The following AKAP19 variants were observed in gnomAD, a reference collection of about 807,000 sequenced individuals.
The protein encoded by AKAP19 is A-kinase anchoring protein 19, also known as small A-kinase anchoring protein.
chr2:189,973,587 G>A, the AKAP19 span, among the ~76,000 whole-genome samples: 2 of 152,126 alleles, frequency 1.3e-5, no homozygotes, highest in Admixed American at 6.6e-5. Context: ...ACCTCTGGTA[G>A]AATTTGGCTG....
chr2:189,936,808 T>C, the AKAP19 span, among the ~76,000 whole-genome samples: 1 of 152,290 alleles, frequency 6.6e-6, no homozygotes, highest in East Asian at 1.9e-4. Flanking sequence ...TACTATGTGA[T>C]TCCATTTATA....
At chr2:190,037,517 A>ATTT in the AKAP19 span, among the ~76,000 whole-genome samples, 1 of 152,236 alleles carries the variant, frequency 6.6e-6, no homozygotes, top group Non-Finnish European at 1.5e-5. Flanking sequence ...TCCTAAATAC[A>ATTT]ATGGTCTGGG....
At chr2:190,022,406 C>T in the AKAP19 span, among the ~76,000 whole-genome samples, 1 of 152,090 alleles carries the variant, frequency 6.6e-6, no homozygotes, top group Non-Finnish European at 1.5e-5. Flanking sequence ...CCAAATATCC[C>T]AGGAGTAAAT....
At chr2:190,012,719 C>T in the AKAP19 span, among the ~76,000 whole-genome samples, 2 of 152,132 alleles carry the variant, frequency 1.3e-5, no homozygotes, top group Non-Finnish European at 2.9e-5. Flanking sequence ...CAACTTTTTA[C>T]CATTGAATAT....
the AKAP19 span, among the ~76,000 whole-genome samples, chr2:190,027,220 G>A: frequency 6.6e-6 from 1 of 152,260 alleles, no homozygotes; most frequent in Admixed American, 6.5e-5. Flanking sequence ...GCCACATTAT[G>A]TTCCAAATCC....
At chr2:189,943,276 C>G in the AKAP19 span, among the ~76,000 whole-genome samples, 1 of 152,220 alleles carries the variant, frequency 6.6e-6, no homozygotes, top group Non-Finnish European at 1.5e-5. Flanking sequence ...GCTACTCTGG[C>G]TTCAGCTTTG....
At chr2:190,150,179 C>T in the AKAP19 span, 1 of 152,316 alleles carries the variant, frequency 6.6e-6, no homozygotes, top group Non-Finnish European at 1.5e-5. Context: ...GGCTCTTCCC[C>T]CTCTGTGGAG....
the AKAP19 span, among the ~76,000 whole-genome samples, chr2:190,104,599 G>C: frequency 6.6e-6 from 1 of 152,142 alleles, no homozygotes; most frequent in Non-Finnish European, 1.5e-5. Flanking sequence ...AGACCAGGCT[G>C]GGCAACATGG....
chr2:190,062,743 C>T, the AKAP19 span: 1 of 707,370 alleles, frequency 1.4e-6, no homozygotes, highest in South Asian at 2.0e-5. Context: ...ATACTGTATT[C>T]CAAGTGGCTT....
the AKAP19 span, among the ~76,000 whole-genome samples, chr2:189,973,988 G>C: frequency 6.6e-6 from 1 of 151,956 alleles, no homozygotes; most frequent in Non-Finnish European, 1.5e-5. Context: ...CTTCAGTTCT[G>C]CTCTGATCTT....
At chr2:190,151,782 A>G in the AKAP19 span, among the ~76,000 whole-genome samples, 2 of 152,232 alleles carry the variant, frequency 1.3e-5, no homozygotes, top group East Asian at 3.9e-4. Context: ...CAGTCAGATC[A>G]CTTGAGGCCA....
the AKAP19 span, among the ~76,000 whole-genome samples, chr2:190,133,861 T>G: frequency 6.6e-6 from 1 of 152,096 alleles, no homozygotes; most frequent in Admixed American, 6.5e-5. Flanking sequence ...ATTGAGGAAA[T>G]GTTGGTCAAG....
the AKAP19 span, among the ~76,000 whole-genome samples, chr2:189,939,769 AC>A: frequency 6.6e-6 from 1 of 152,234 alleles, no homozygotes; most frequent in African/African-American, 2.4e-5. Context: ...TATTAGTTGA[AC>A]TGCAAAATTC....
At chr2:190,133,107 G>A in the AKAP19 span, among the ~76,000 whole-genome samples, 37 of 151,542 alleles carry the variant, frequency 2.4e-4, no homozygotes, top group Admixed American at 1.1e-3. Context: ...GCGTGGTGGC[G>A]GGCGCCTGTA....
At chr2:190,055,394 C>G in the AKAP19 span, among the ~76,000 whole-genome samples, 1 of 151,850 alleles carries the variant, frequency 6.6e-6, no homozygotes, top group Non-Finnish European at 1.5e-5. Context: ...ACAAGTTACT[C>G]GGTGCAGCAC....
chr2:190,029,430 C>T, the AKAP19 span, among the ~76,000 whole-genome samples: 1 of 152,088 alleles, frequency 6.6e-6, no homozygotes, highest in African/African-American at 2.4e-5. Flanking sequence ...ATCTATTAAA[C>T]AAGCTGTGAT....
chr2:189,974,660 G>A, the AKAP19 span, among the ~76,000 whole-genome samples: 1 of 152,262 alleles, frequency 6.6e-6, no homozygotes, highest in South Asian at 2.1e-4. Flanking sequence ...TTATGAATCT[G>A]GGTGCTCCTG....
the AKAP19 span, among the ~76,000 whole-genome samples, chr2:190,189,387 G>T: frequency 0.017 from 2,606 of 152,252 alleles, 80 homozygotes; most frequent in African/African-American, 0.058. Context: ...TGAACTCTGG[G>T]TCAGCAAGTG....
the AKAP19 span, among the ~76,000 whole-genome samples, chr2:190,146,675 T>G: frequency 6.6e-6 from 1 of 152,234 alleles, no homozygotes; most frequent in Non-Finnish European, 1.5e-5. Flanking sequence ...TGTTTTCTGA[T>G]TTTTTGATTA....
Sources: gnomAD v4.1 joint callset for allele counts (sites outside exome capture counted in the v4.1 genomes callset) on GRCh38, gnomAD v4.1.1 for gene constraint, MANE v1.5 for transcripts, NCBI Gene and HGNC (gene_info 2026-07-23, HGNC 2026-07-21) for gene names.